The following CAPN2 variants were observed in gnomAD, a reference collection of about 807,000 sequenced individuals.
CAPN2 encodes calpain 2, also known as calpain-2 catalytic subunit.
A neutral mutation model predicts 102.3 loss-of-function variants in CAPN2; 92 were observed. The observed-to-expected ratio is 0.90, with a 90% CI of 0.76 to 1.07. The LOEUF (loss-of-function observed/expected upper bound fraction) is 1.07, where lower values mean the gene tolerates loss of function less well. Ranked by LOEUF, CAPN2 falls within the 50% of genes least tolerant of loss-of-function variation. The probability of loss-of-function intolerance (pLI) is 0.00; values close to 1 mark genes in which losing one functional copy is unlikely to be tolerated. For synonymous variants in CAPN2, 340 were observed against 355.4 expected (o/e 0.96, Z 0.49); for missense variants, 800 against 909.4 (o/e 0.88, Z 1.55).
chr1:223,768,822 T>C (rs1209300929), intron 16 of CAPN2, among the ~76,000 whole-genome samples: 5 of 151,640 alleles, frequency 3.3e-5, no homozygotes, highest in Non-Finnish European at 7.4e-5. Context: ...CCCATGAGCA[T>C]GGAATGTTCT....
chr1:223,750,794 C>A (rs2102801870), intron 6 of CAPN2, 96 bp from the exon 7 acceptor site: 1 of 1,141,418 alleles, frequency 8.8e-7, no homozygotes, highest in Non-Finnish European at 1.3e-6. Flanking sequence ...CAGCCCCATA[C>A]CTCCTGGCTC....
chr1:223,766,283 A>G (rs896567281), intron 15 of CAPN2, 84 bp from the exon 16 acceptor site: 43 of 1,022,360 alleles, frequency 4.2e-5, no homozygotes, highest in Non-Finnish European at 6.2e-5. Context: ...GGGCACAGAT[A>G]AAGAATATCT....
intron 5 of CAPN2, 82 bp from the exon 6 acceptor site, chr1:223,748,957 C>T (rs548915203): frequency 1.1e-5 from 15 of 1,327,722 alleles, no homozygotes; most frequent in African/African-American, 7.2e-5. Context: ...CGGTCCCGCC[C>T]GGCAGTAGGA....
At chr1:223,713,071 G>C (rs1182027903) in intron 1 of CAPN2, among the ~76,000 whole-genome samples, 194 bp downstream of exon 1, 1 of 152,206 alleles carries the variant, frequency 6.6e-6, no homozygotes, top group East Asian at 1.9e-4. Context: ...GGGGACTCCC[G>C]GGGCCTTCCC....
chr1:223,738,189 G>A (rs1006295009), intron 2 of CAPN2, among the ~76,000 whole-genome samples: 2 of 151,310 alleles, frequency 1.3e-5, no homozygotes, highest in Admixed American at 6.6e-5. Flanking sequence ...ACGGGGTCTT[G>A]TTCTGTCACC....
intron 2 of CAPN2, among the ~76,000 whole-genome samples, chr1:223,735,756 A>C (rs1306059594): frequency 6.7e-6 from 1 of 149,924 alleles, no homozygotes; most frequent in Non-Finnish European, 1.5e-5. Context: ...CGCCCCTGCC[A>C]GCCTGCCACC....
intron 16 of CAPN2, among the ~76,000 whole-genome samples, chr1:223,769,635 C>T (rs537369823): frequency 3.9e-4 from 59 of 152,176 alleles, no homozygotes; most frequent in Non-Finnish European, 8.2e-4. Flanking sequence ...CAACCAGATT[C>T]GGCAGGGAGC....
At chr1:223,760,496 A>T (rs1467989663) in intron 12 of CAPN2, among the ~76,000 whole-genome samples, 1 of 152,216 alleles carries the variant, frequency 6.6e-6, no homozygotes, top group Non-Finnish European at 1.5e-5. Flanking sequence ...GCACGGCTGT[A>T]GCCCCCCTGC....
In CAPN2 at chr1:223,712,741, C is replaced by A. The variant is rs139934619; in HGVS notation, c.101C>A (p.Ala34Glu). ...AIKYLNQDYE[A>E]LRNECLEAGT... ...AAGTACCTCAACCAGGACTACGAGG[C>A]GCTGCGGAACGAGTGCCTGGAGGCC... is the stretch of plus-strand genomic sequence containing the variant. The change falls in exon 1 of 21, where the codon GCG becomes GAG. Residue 34 changes from alanine to glutamate, a missense_variant. Coordinates refer to ENST00000295006, the MANE Select transcript of CAPN2 (RefSeq NM_001748.5). The A allele has an allele frequency of 1.9e-5, 30 of 1,586,872 alleles. No individual in the cohort carries two copies. The highest frequency in any genetic ancestry group is 9.6e-5 in the African/African-American group (7 of 72,898).
At chr1:223,745,211 A>C (rs1471861662) in intron 3 of CAPN2, 95 bp from the exon 4 acceptor site, 3 of 1,530,512 alleles carry the variant, frequency 2.0e-6, no homozygotes, top group Non-Finnish European at 8.9e-7. Context: ...AACCTATCCC[A>C]GGGGATCAGG....
intron 16 of CAPN2, among the ~76,000 whole-genome samples, chr1:223,767,023 T>C (rs1005735189): frequency 6.6e-6 from 1 of 151,898 alleles, no homozygotes; most frequent in Non-Finnish European, 1.5e-5. Context: ...TGCGGGAAAT[T>C]CCTGACAATA....
chr1:223,774,837 C>T lies in CAPN2; in HGVS notation c.2083C>T (p.Leu695Phe), dbSNP rs747283006. 4 of 1,613,046 alleles carry T rather than the reference C, an allele frequency of 2.5e-6. No individual in the cohort carries two copies. In the African/African-American group the frequency reaches 5.3e-5, roughly 22 times the overall value. Reference sequence around the variant, plus strand: ...TTTTTTTTTTCCTTCCTCACAGTGGCTCTGTTTCTCAGTACTTTGAAGTTA... The same window carrying T: ...TTTTTTTTTTCCTTCCTCACAGTGGTTCTGTTTCTCAGTACTTTGAAGTTA... ...GTIELDLISW[L>F]CFSVL Residue 695 changes from leucine (L) to phenylalanine (F), a missense_variant, in exon 21 of 21, where the codon CTC becomes TTC. Leu to Phe is a conservative substitution (Grantham distance 22). Transcript: ENST00000295006.
rs994067699 is a variant in CAPN2, at chr1:223,737,717, G to A, written c.308-6383G>A. 2.6e-4 allele frequency among the ~76,000 whole-genome samples: 8 copies of A among 30,462 alleles called. 3 individuals carry two copies. The highest frequency in any genetic ancestry group is 9.7e-4 in the Admixed American group (3 of 3,084). 20.0% of individuals were successfully genotyped at this position (30,462 alleles called of 152,430 possible). On this transcript the variant is annotated intron_variant, in intron 2 of 20. Coordinates refer to ENST00000295006, the MANE Select transcript of CAPN2 (RefSeq NM_001748.5). ...CCAAAAGAGACGGGGCGGGGGGTGG[G>A]GGGGAGAGAATACAATAACACCATG...
At chr1:223,716,371 A>G (rs1320469658) in intron 1 of CAPN2, among the ~76,000 whole-genome samples, 1 of 152,210 alleles carries the variant, frequency 6.6e-6, no homozygotes, top group African/African-American at 2.4e-5. Flanking sequence ...AGCCCAATCT[A>G]TTCCATCAGC....
Position 223,771,835 on chromosome 1 carries a change from C to T in CAPN2, c.1930C>T (p.Gln644Ter). The T allele has an allele frequency of 1.2e-6, 2 of 1,613,734 alleles. No individual in the cohort carries two copies. The highest frequency in any genetic ancestry group is 1.7e-6 in the Non-Finnish European group (2 of 1,179,622). Residue 644 changes from glutamine (Q) to a stop codon, truncating the protein, a stop_gained, in exon 19 of 21, where the codon CAA becomes TAA. Transcript: ENST00000295006. LOFTEE classifies it high-confidence loss of function. ...AGFKMPCQLH[Q>*]VIVARFADDQ... ...TTTCAAGATGCCCTGTCAACTCCACCAAGTCATCGTTGCTCGGTTTGCAGA... is the reference window on the plus strand; with the variant it reads ...TTTCAAGATGCCCTGTCAACTCCACTAAGTCATCGTTGCTCGGTTTGCAGA...
chr1:223,775,163 C>A lies in CAPN2; in HGVS notation c.*306C>A. 1 of 290,140 alleles carries A rather than the reference C, an allele frequency of 3.4e-6. No homozygotes were observed. 18.0% of individuals were successfully genotyped at this position (290,140 alleles called of 1,614,324 possible). On this transcript the variant is annotated 3_prime_UTR_variant, in exon 21 of 21. Transcript: ENST00000295006. ...CTTTTACACACTTTCCTGTTCATAGCAATATTAAATCAGGAAAAAAAAATG... is the reference window on the plus strand; with the variant it reads ...CTTTTACACACTTTCCTGTTCATAGAAATATTAAATCAGGAAAAAAAAATG...
intron 1 of CAPN2, among the ~76,000 whole-genome samples, chr1:223,704,765 A>G (rs1160674784): frequency 6.6e-6 from 1 of 152,236 alleles, no homozygotes; most frequent in East Asian, 1.9e-4. Flanking sequence ...AAGGATATCA[A>G]CAAAAAAATA....
intron 3 of CAPN2, 95 bp downstream of exon 3, chr1:223,744,313 G>C (rs1176525580): frequency 1.2e-6 from 1 of 808,416 alleles, no homozygotes; most frequent in East Asian, 2.4e-5. Context: ...CCTGGTGTTT[G>C]CAGACTCCCA....
chr1:223,770,864 T>C, intron 18 of CAPN2: 1 of 199,088 alleles, frequency 5.0e-6, no homozygotes, highest in Non-Finnish European at 1.0e-5. Flanking sequence ...AGCTCAGCCC[T>C]TAGGGTAAGA....
Sources: gnomAD v4.1 joint callset for allele counts (sites outside exome capture counted in the v4.1 genomes callset) on GRCh38, gnomAD v4.1.1 for gene constraint, MANE v1.5 for transcripts, NCBI Gene and HGNC (gene_info 2026-07-23, HGNC 2026-07-21) for gene names.